The following DPY19L4 variants were observed in gnomAD, a reference collection of about 807,000 sequenced individuals.
DPY19L4 encodes the protein probable C-mannosyltransferase DPY19L4.
DPY19L4 carries 97 observed loss-of-function variants against 102.8 expected under a neutral mutation model. That is an observed-to-expected ratio of 0.94 (90% confidence interval 0.80 to 1.12). The LOEUF (loss-of-function observed/expected upper bound fraction) is 1.12. Among genes scored for constraint, DPY19L4 ranks in the 50% most tolerant of loss-of-function variants. The pLI is 0.00. For missense variants in DPY19L4, 815 were observed against 850.4 expected (o/e 0.96, Z 0.52); for synonymous variants, 252 against 283.1 (o/e 0.89, Z 1.10).
rs191520382 is a variant in DPY19L4 at position 94,763,171 on chromosome 8, A to G, written c.870+1337A>G. Among the ~76,000 whole-genome samples, 45 of 148,530 alleles carry G rather than the reference A, an allele frequency of 3.0e-4. No individual in the cohort carries two copies. In the East Asian group the frequency reaches 8.0e-3, roughly 26 times the overall value. Reference sequence around the variant, plus strand: ...ACCATGTTAGCCAGGCTGATCTCGAACTCCTGACCTTGTGATCTGCCCGCC... The same window carrying G: ...ACCATGTTAGCCAGGCTGATCTCGAGCTCCTGACCTTGTGATCTGCCCGCC... On this transcript the variant is annotated intron_variant, in intron 8 of 18. Transcript: ENST00000414645.
chr8:94,753,374 C>T (rs923912418), intron 6 of DPY19L4, among the ~76,000 whole-genome samples: 3 of 152,056 alleles, frequency 2.0e-5, no homozygotes, highest in African/African-American at 4.8e-5. Context: ...TATAGGGCAA[C>T]GGAGATCCTT....
chr8:94,755,255 C>G (rs112016158), intron 6 of DPY19L4, among the ~76,000 whole-genome samples: 2 of 152,148 alleles, frequency 1.3e-5, no homozygotes, highest in South Asian at 4.1e-4. Flanking sequence ...AGCTGGATGG[C>G]TTTGATTAAG....
chr8:94,784,367 C>T (rs569295789), intron 17 of DPY19L4, among the ~76,000 whole-genome samples: 197 of 152,284 alleles, frequency 1.3e-3, no homozygotes, highest in Non-Finnish European at 2.4e-3. Context: ...CCTGCCACCA[C>T]AGCCAGCTAA....
rs151253387 is a variant in DPY19L4 at position 94,742,402 on chromosome 8, T to C, written c.611+2612T>C. Among the ~76,000 whole-genome samples, 775 of 152,032 alleles carry C rather than the reference T, an allele frequency of 5.1e-3. 9 individuals carry two copies. Among genetic ancestry groups the C allele is most frequent in the African/African-American group, 0.018 (742 of 41,534 alleles). On this transcript the variant is annotated intron_variant, in intron 6 of 18. Coordinates refer to ENST00000414645, the MANE Select transcript of DPY19L4 (RefSeq NM_181787.3). ...TATTTTACTTATTTTTTTTTTTTAC[T>C]TTCTTTTTGAGACAGAGTCTTACTC... is the stretch of plus-strand genomic sequence containing the variant.
rs4735321 is a variant in DPY19L4, at chr8:94,772,328, C to A, written c.1454+1757C>A. On this transcript the variant is annotated intron_variant, in intron 13 of 18. Transcript: ENST00000414645. ...AGACCATCCTTACTTCTGTCACCAA[C>A]TGCAAGTTTGAGAGTCCCCCAAACT... 8.3e-4 allele frequency among the ~76,000 whole-genome samples: 127 copies of A among 152,244 alleles called. 1 individual carries two copies. In the East Asian group the frequency reaches 0.024, roughly 29 times the overall value.
At chr8:94,772,529 C>T (rs1019831517) in intron 13 of DPY19L4, among the ~76,000 whole-genome samples, 1 of 152,230 alleles carries the variant, frequency 6.6e-6, no homozygotes, top group Non-Finnish European at 1.5e-5. Flanking sequence ...CCAGTGGAAT[C>T]GTGCAGACAG....
At chr8:94,788,929 C>T (rs1813776645) in intron 18 of DPY19L4, among the ~76,000 whole-genome samples, 1 of 152,190 alleles carries the variant, frequency 6.6e-6, no homozygotes, top group Non-Finnish European at 1.5e-5. Context: ...CTTATCTTTT[C>T]CTCATGACCC....
intron 6 of DPY19L4, among the ~76,000 whole-genome samples, chr8:94,751,858 C>A (rs376942283): frequency 3.9e-5 from 6 of 152,258 alleles, no homozygotes; most frequent in African/African-American, 1.4e-4. Flanking sequence ...AGTCATACAG[C>A]ATATACTTTT....
intron 7 of DPY19L4, among the ~76,000 whole-genome samples, chr8:94,757,819 C>T (rs1161861760): frequency 2.0e-5 from 3 of 152,058 alleles, no homozygotes; most frequent in Non-Finnish European, 2.9e-5. Flanking sequence ...AAAAGAGTTT[C>T]ATATAGGCCG....
chr8:94,724,131 T>G (rs1810588496), intron 1 of DPY19L4, among the ~76,000 whole-genome samples: 1 of 152,200 alleles, frequency 6.6e-6, no homozygotes, highest in African/African-American at 2.4e-5. Context: ...CCCTCCCAAT[T>G]TATCACTAAG....
intron 18 of DPY19L4, among the ~76,000 whole-genome samples, chr8:94,788,641 ACG>A (rs10601540): frequency 0.2 from 22,837 of 115,470 alleles, 1,763 homozygotes; most frequent in East Asian, 0.33. Flanking sequence ...AGACTGACGC[ACG>A]CGCGCGCGCA....
chr8:94,741,351 G>T (rs1430774634), intron 6 of DPY19L4, among the ~76,000 whole-genome samples: 3 of 152,102 alleles, frequency 2.0e-5, no homozygotes. Flanking sequence ...ACACCAGTTT[G>T]TAACCTTTGC....
chr8:94,731,566 C>T (rs528923242), intron 2 of DPY19L4, among the ~76,000 whole-genome samples: 1 of 152,222 alleles, frequency 6.6e-6, no homozygotes, highest in South Asian at 2.1e-4. Context: ...CAGGCATGCG[C>T]CACCACACCC....
At chr8:94,766,485 C>T (rs557172666) in intron 10 of DPY19L4, 127 bp from the exon 11 acceptor site, 25 of 733,170 alleles carry the variant, frequency 3.4e-5, no homozygotes, top group South Asian at 6.1e-5. Flanking sequence ...ATAGTCATAC[C>T]GTATATTATT....
At chr8:94,731,286 A>G (rs1035052214) in intron 2 of DPY19L4, among the ~76,000 whole-genome samples, 3 of 152,154 alleles carry the variant, frequency 2.0e-5, no homozygotes, top group Admixed American at 1.3e-4. Context: ...TTGTCTCAAC[A>G]TTGCTTTAAT....
chr8:94,768,325 TA>T (rs140835859), intron 11 of DPY19L4, 69 bp from the exon 12 acceptor site: 245,896 of 1,292,490 alleles, frequency 0.19, 24,595 homozygotes, highest in African/African-American at 0.33. Flanking sequence ...TTGCTGATAT[TA>T]AAAAAAATAC....
rs1423007537 is a variant in DPY19L4 at position 94,791,318 on chromosome 8, A to G, written c.*1408A>G. ...CCGTTGTCTTTATTTTCTGTTATAC[A>G]TGTGTTGTTAAAGTACATGCATTCT... On this transcript the variant is annotated 3_prime_UTR_variant, in exon 19 of 19. Coordinates refer to ENST00000414645, the MANE Select transcript of DPY19L4 (RefSeq NM_181787.3). 1.3e-5 allele frequency: 2 copies of G among 152,148 alleles called. No homozygotes were observed. Among genetic ancestry groups the G allele is most frequent in the Non-Finnish European group, 1.5e-5 (1 of 67,988 alleles). 9.4% of individuals were successfully genotyped at this position (152,148 alleles called of 1,614,324 possible). A position where few individuals can be genotyped will look rare whatever the true frequency, so the allele number is the denominator to read the frequency against.
In DPY19L4 at chr8:94,768,561, C is replaced by T; in HGVS notation, c.1334+8C>T. On this transcript the variant is annotated splice_region_variant and intron_variant, in intron 12 of 18. Coordinates refer to ENST00000414645, the MANE Select transcript of DPY19L4 (RefSeq NM_181787.3). ...TATTTTTAGGAGGATTAAGTAAGTA[C>T]CTATGAGAATCAATCATATTACTAA... is the stretch of plus-strand genomic sequence containing the variant. The T allele has an allele frequency of 7.1e-7, 1 of 1,404,910 alleles. No individual in the cohort carries two copies. The highest frequency in any genetic ancestry group is 1.3e-5 in the South Asian group (1 of 76,608). 87.0% of individuals were successfully genotyped at this position (1,404,910 alleles called of 1,614,324 possible).
chr8:94,775,662 G>T (rs561794127), intron 13 of DPY19L4, among the ~76,000 whole-genome samples: 34 of 152,262 alleles, frequency 2.2e-4, no homozygotes, highest in African/African-American at 7.9e-4. Context: ...TGGCTTTGCT[G>T]TTTTATAAAA....
Sources: gnomAD v4.1 joint callset for allele counts (sites outside exome capture counted in the v4.1 genomes callset) on GRCh38, gnomAD v4.1.1 for gene constraint, MANE v1.5 for transcripts, NCBI Gene and HGNC (gene_info 2026-07-23, HGNC 2026-07-21) for gene names.